Variants in ABCA9 observed in about 807,000 individuals in gnomAD.
ABCA9 encodes the protein ATP binding cassette subfamily A member 9.
Under a neutral mutation model 205.3 loss-of-function variants are expected in ABCA9, and 183 were observed. The ratio of observed to expected loss-of-function variants is 0.89; its 90% CI spans 0.79 to 1.01. The LOEUF is 1.01. Among genes scored for constraint, ABCA9 ranks in the 50% least tolerant of loss-of-function variants. The pLI, the probability that ABCA9 is intolerant of heterozygous loss-of-function variation, is 0.00. For synonymous variants in ABCA9, 651 were observed against 683.3 expected (o/e 0.95, Z 0.74); for missense variants, 1,805 against 1,912.4 (o/e 0.94, Z 1.05).
intron 38 of ABCA9, 51 bp from the exon 39 acceptor site, chr17:68,976,064 C>T: frequency 6.2e-7 from 1 of 1,605,670 alleles, no homozygotes; most frequent in Non-Finnish European, 8.5e-7. Flanking sequence ...ATACTGCCTC[C>T]TGCAGCTCCA....
chr17:68,979,355 T>C (rs1195938696), intron 37 of ABCA9, among the ~76,000 whole-genome samples: 1 of 152,188 alleles, frequency 6.6e-6, no homozygotes, highest in Non-Finnish European at 1.5e-5. Flanking sequence ...ATGACCATAC[T>C]GCCCAAGGTA....
the ABCA9 span, among the ~76,000 whole-genome samples, chr17:69,074,813 G>A: frequency 1.3e-5 from 2 of 152,030 alleles, no homozygotes; most frequent in South Asian, 4.2e-4. Context: ...GGGATTGCTG[G>A]GTCAAATGGT....
At chr17:69,010,202 A>AT (rs2144198427) in intron 23 of ABCA9, among the ~76,000 whole-genome samples, 1 of 151,498 alleles carries the variant, frequency 6.6e-6, no homozygotes, top group East Asian at 1.9e-4. Flanking sequence ...AAAGGTTCAG[A>AT]TAATGATAAG....
intron 10 of ABCA9, among the ~76,000 whole-genome samples, chr17:69,031,122 C>G (rs896891185): frequency 2.0e-5 from 3 of 152,178 alleles, no homozygotes; most frequent in African/African-American, 7.2e-5. Flanking sequence ...TTTTTCTAGA[C>G]CATAAGACTA....
intron 30 of ABCA9, 136 bp from the exon 31 acceptor site, chr17:68,989,254 TCTCACACACA>T (rs2069360196): frequency 1.9e-5 from 8 of 416,840 alleles, no homozygotes; most frequent in Middle Eastern, 6.5e-4. Flanking sequence ...TCTCTCTCTC[TCTCACACACA>T]CACACACACA....
intron 36 of ABCA9, 123 bp downstream of exon 36, chr17:68,983,586 G>A: frequency 7.4e-7 from 1 of 1,345,448 alleles, no homozygotes; most frequent in South Asian, 1.5e-5. Flanking sequence ...TTTCTCTTAA[G>A]TAAAGTACTT....
chr17:69,031,887 C>T (rs551677084), intron 10 of ABCA9, among the ~76,000 whole-genome samples: 8 of 152,204 alleles, frequency 5.3e-5, no homozygotes, highest in Non-Finnish European at 1.0e-4. Flanking sequence ...TACTTGTGGA[C>T]GGTTGTTACT....
At chr17:69,016,153 AAT>A in intron 22 of ABCA9, 98 bp downstream of exon 22, 1 of 776,684 alleles carries the variant, frequency 1.3e-6, no homozygotes, top group Non-Finnish European at 1.9e-6. Context: ...CAAGTTTAAG[AAT>A]AGATTCACAA....
rs1423097852 is a variant in ABCA9 at position 69,018,253 on chromosome 17, C to T, written c.2767+160G>A. The T allele has an allele frequency of 5.1e-6, 3 of 593,474 alleles. No homozygotes were observed. The East Asian group carries it at 9.8e-5, about 19-fold the overall frequency. The allele number at this position is 593,474 out of a possible 1,614,324, so 36.8% of individuals were successfully genotyped here. On this transcript the variant is annotated intron_variant, in intron 20 of 38. Coordinates refer to ENST00000340001, the MANE Select transcript of ABCA9 (RefSeq NM_080283.4). ...GAATCTATTTCTAAAACAAACTCTC[C>T]CATGTCGTATTTTTCATTTTTTAAT...
upstream of ABCA9, chr17:69,061,246 C>T (rs2144560764): frequency 2.7e-6 from 2 of 729,572 alleles, no homozygotes; most frequent in Non-Finnish European, 3.4e-6. Context: ...GAGAGTTGAC[C>T]CCAACACAAT....
chr17:69,048,073 T>C (rs1301407380), intron 3 of ABCA9, among the ~76,000 whole-genome samples: 1 of 152,132 alleles, frequency 6.6e-6, no homozygotes, highest in Non-Finnish European at 1.5e-5. Context: ...GAAAACCCCT[T>C]ATAAAATCAT....
intron 37 of ABCA9, among the ~76,000 whole-genome samples, chr17:68,979,165 A>G (rs2068967263): frequency 6.6e-6 from 1 of 152,208 alleles, no homozygotes; most frequent in Non-Finnish European, 1.5e-5. Context: ...CCAAATCATG[A>G]GTGAACTCCC....
At chr17:69,038,753 A>C (rs1245938788) in intron 6 of ABCA9, among the ~76,000 whole-genome samples, 1 of 152,160 alleles carries the variant, frequency 6.6e-6, no homozygotes, top group Non-Finnish European at 1.5e-5. Context: ...AGGGTATTCA[A>C]ATAGGAGGAA....
upstream of ABCA9, among the ~76,000 whole-genome samples, chr17:69,061,722 T>A (rs956229126): frequency 7.2e-5 from 11 of 152,230 alleles, no homozygotes; most frequent in African/African-American, 2.7e-4. Flanking sequence ...GAAACATTTT[T>A]AACTGGTAAT....
chr17:69,020,195 C>G (rs776782000), intron 19 of ABCA9, among the ~76,000 whole-genome samples, 193 bp downstream of exon 19: 8 of 152,020 alleles, frequency 5.3e-5, no homozygotes, highest in Non-Finnish European at 1.2e-4. Flanking sequence ...AAGAACAATC[C>G]CAACCCGTAT....
chr17:68,989,125 G>C lies in ABCA9; in HGVS notation c.3956-7C>G, dbSNP rs2069352375. On this transcript the variant is annotated splice_region_variant and splice_polypyrimidine_tract_variant and intron_variant, in intron 30 of 38. Transcript: ENST00000340001. The stretch of plus-strand genomic sequence containing the variant: ...AACAGTCCTATAACTTCACCTGAAA[G>C]AAAGTGGTATGCTCAGAAATATACA... 1 of 1,564,470 alleles carries C rather than the reference G, an allele frequency of 6.4e-7. No individual in the cohort carries two copies. The highest frequency in any genetic ancestry group is 1.7e-5 in the Admixed American group (1 of 59,700).
At chr17:68,995,682 G>A (rs1408557913) in intron 26 of ABCA9, among the ~76,000 whole-genome samples, 1 of 99,376 alleles carries the variant, frequency 1.0e-5, no homozygotes, top group African/African-American at 4.2e-5. Context: ...CCACTCTCCT[G>A]GAGTTGCCTT....
In ABCA9 at chr17:69,017,794, A is replaced by G; in HGVS notation, c.2768-5T>C. ...AAAAGTTATCAATGGTTGACCCTAC[A>G]TGAAGGCAAAGATTAAAGGAAGCAA... is the stretch of plus-strand genomic sequence containing the variant. On this transcript the variant is annotated splice_region_variant and splice_polypyrimidine_tract_variant and intron_variant, in intron 20 of 38. Coordinates refer to ENST00000340001, the MANE Select transcript of ABCA9 (RefSeq NM_080283.4). 2 of 1,611,644 alleles carry G rather than the reference A, an allele frequency of 1.2e-6. No individual in the cohort carries two copies. The highest frequency in any genetic ancestry group is 1.7e-6 in the Non-Finnish European group (2 of 1,178,786).
intron 1 of ABCA9, among the ~76,000 whole-genome samples, chr17:69,059,135 A>C (rs1402965202): frequency 6.6e-6 from 1 of 152,166 alleles, no homozygotes; most frequent in Non-Finnish European, 1.5e-5. Context: ...GATTATGGGG[A>C]CTATAATTCA....
Sources: gnomAD v4.1 joint callset for allele counts (sites outside exome capture counted in the v4.1 genomes callset) on GRCh38, gnomAD v4.1.1 for gene constraint, MANE v1.5 for transcripts, NCBI Gene and HGNC (gene_info 2026-07-23, HGNC 2026-07-21) for gene names.